The following AP4E1 variants were observed in gnomAD, a reference collection of about 807,000 sequenced individuals.
The protein encoded by AP4E1 is adaptor related protein complex 4 subunit epsilon 1, also known as AP-4 complex subunit epsilon-1.
AP4E1 carries 56 observed loss-of-function variants against 128.2 expected under a neutral mutation model. The ratio of observed to expected loss-of-function variants is 0.44; its 90% CI spans 0.35 to 0.55. The LOEUF is 0.55. Among genes scored for constraint, AP4E1 ranks in the 20% least tolerant of loss-of-function variants. The pLI is 0.00. For synonymous variants in AP4E1, 484 were observed against 473.1 expected, an observed-to-expected ratio of 1.02 and a Z score of -0.30; for missense variants, 1,324 against 1,307.7, an observed-to-expected ratio of 1.01 and a Z score of -0.19.
chr15:50,933,584 G>A (rs1188406368), intron 7 of AP4E1, among the ~76,000 whole-genome samples: 2 of 151,998 alleles, frequency 1.3e-5, no homozygotes, highest in Non-Finnish European at 2.9e-5. Flanking sequence ...TTTTTGGGGG[G>A]CAGGGAAGGA....
chr15:50,962,876 C>T (rs983955437), intron 14 of AP4E1, among the ~76,000 whole-genome samples: 1 of 68,666 alleles, frequency 1.5e-5, no homozygotes, highest in Non-Finnish European at 2.5e-5. Context: ...ATATAAGGAA[C>T]TCAATTCAAC....
chr15:50,924,050 G>A lies in AP4E1; in HGVS notation c.420+46G>A, dbSNP rs762488707. Reference sequence around the variant, plus strand: ...TAATATGAAGTCATAATTCTTGTCAGCACCTGATATTTCTCCTCGATCATA... The same window carrying A: ...TAATATGAAGTCATAATTCTTGTCAACACCTGATATTTCTCCTCGATCATA... On this transcript the variant is annotated intron_variant, in intron 4 of 20. Transcript: ENST00000261842. 1.0e-5 allele frequency: 15 copies of A among 1,462,480 alleles called. No homozygotes were observed. The East Asian group carries it at 1.8e-4, about 18-fold the overall frequency. The allele number at this position is 1,462,480 out of a possible 1,614,324, so 90.6% of individuals were successfully genotyped here. A position where few individuals can be genotyped will look rare whatever the true frequency, so the allele number is the denominator to read the frequency against.
chr15:50,944,586 T>TA (rs33961860), intron 10 of AP4E1: 938 of 211,642 alleles, frequency 4.4e-3, no homozygotes, highest in Middle Eastern at 0.012. Context: ...CTAAAACAGT[T>TA]AAAAAAAAAA....
intron 17 of AP4E1, among the ~76,000 whole-genome samples, chr15:50,996,542 A>C (rs1321634024): frequency 6.6e-6 from 1 of 152,078 alleles, no homozygotes; most frequent in African/African-American, 2.4e-5. Flanking sequence ...AGGGAACTAG[A>C]ATTCTGGTCA....
chr15:50,908,549 T>C, upstream of AP4E1: 1 of 479,184 alleles, frequency 2.1e-6, no homozygotes, highest in Non-Finnish European at 3.5e-6. Flanking sequence ...GAGGTCTACT[T>C]ACGCGCGCAA....
At chr15:50,924,510 T>C (rs1455543331) in intron 4 of AP4E1, among the ~76,000 whole-genome samples, 2 of 152,166 alleles carry the variant, frequency 1.3e-5, no homozygotes, top group African/African-American at 2.4e-5. Flanking sequence ...TAATGAGATG[T>C]AATTGAGTTG....
intron 14 of AP4E1, among the ~76,000 whole-genome samples, chr15:50,966,897 T>C (rs2064401865): frequency 6.6e-6 from 1 of 152,226 alleles, no homozygotes; most frequent in African/African-American, 2.4e-5. Context: ...ATTTTTATGT[T>C]TGATAATTAT....
chr15:50,961,339 A>G (rs1057033119), intron 14 of AP4E1, among the ~76,000 whole-genome samples: 1 of 152,164 alleles, frequency 6.6e-6, no homozygotes, highest in African/African-American at 2.4e-5. Context: ...CCAGATGAAC[A>G]TAGATGCAAA....
At chr15:50,965,302 C>A (rs1182685509) in intron 14 of AP4E1, among the ~76,000 whole-genome samples, 1 of 152,132 alleles carries the variant, frequency 6.6e-6, no homozygotes, top group Non-Finnish European at 1.5e-5. Flanking sequence ...TCCTTGTGCA[C>A]CACTGGTAGC....
chr15:50,972,203 TTTCTTTC>T (rs1242314185), intron 15 of AP4E1, among the ~76,000 whole-genome samples: 8 of 50,142 alleles, frequency 1.6e-4, no homozygotes, highest in African/African-American at 4.9e-4. Flanking sequence ...ATGTAGTTTC[TTTCTTTC>T]TTTCTTTCTT....
intron 6 of AP4E1, among the ~76,000 whole-genome samples, chr15:50,930,422 A>G (rs935710136): frequency 3.3e-5 from 5 of 150,104 alleles, no homozygotes; most frequent in Non-Finnish European, 7.4e-5. Flanking sequence ...GAGTTCAGAG[A>G]TTGCAAATAG....
chr15:50,984,661 T>G (rs1323934700), intron 16 of AP4E1, among the ~76,000 whole-genome samples: 1 of 152,128 alleles, frequency 6.6e-6, no homozygotes, highest in Non-Finnish European at 1.5e-5. Context: ...GGCTGCATAG[T>G]ATTCCATGGT....
At chr15:50,935,868 G>A (rs2063902201) in intron 8 of AP4E1, among the ~76,000 whole-genome samples, 1 of 152,174 alleles carries the variant, frequency 6.6e-6, no homozygotes, top group South Asian at 2.1e-4. Flanking sequence ...TAATGCACAT[G>A]GTAGTGAATT....
intron 14 of AP4E1, among the ~76,000 whole-genome samples, chr15:50,962,974 A>G (rs1474360520): frequency 6.6e-6 from 1 of 151,776 alleles, no homozygotes; most frequent in Non-Finnish European, 1.5e-5. Context: ...AAGATACACA[A>G]ATGGCCAACA....
At chr15:50,931,698 A>G (rs1411221083) in intron 7 of AP4E1, among the ~76,000 whole-genome samples, 5 of 152,222 alleles carry the variant, frequency 3.3e-5, no homozygotes, top group Non-Finnish European at 7.3e-5. Flanking sequence ...AACATTATGG[A>G]CATTAAAACT....
chr15:50,915,319 A>C, intron 2 of AP4E1, 129 bp from the exon 3 acceptor site: 1 of 953,180 alleles, frequency 1.0e-6, no homozygotes, highest in Non-Finnish European at 1.6e-6. Flanking sequence ...TGGGTGATTA[A>C]TTTGTAATAT....
chr15:50,952,532 G>C (rs2064165874), intron 13 of AP4E1, among the ~76,000 whole-genome samples: 2 of 150,598 alleles, frequency 1.3e-5, no homozygotes, highest in Non-Finnish European at 3.0e-5. Context: ...AAAAAGAAGT[G>C]TACAGTAATT....
intron 15 of AP4E1, among the ~76,000 whole-genome samples, chr15:50,978,211 A>T (rs1283157736): frequency 6.6e-6 from 1 of 152,202 alleles, no homozygotes; most frequent in Non-Finnish European, 1.5e-5. Flanking sequence ...CAAAAAAAGC[A>T]TTTCAGAATC....
chr15:50,947,185 G>A (rs1160343102), intron 10 of AP4E1, among the ~76,000 whole-genome samples: 4 of 152,162 alleles, frequency 2.6e-5, no homozygotes, highest in Admixed American at 6.5e-5. Context: ...GGAGGCCAAG[G>A]TGGGAGGATC....
Sources: gnomAD v4.1 joint callset for allele counts (sites outside exome capture counted in the v4.1 genomes callset) on GRCh38, gnomAD v4.1.1 for gene constraint, MANE v1.5 for transcripts, NCBI Gene and HGNC (gene_info 2026-07-23, HGNC 2026-07-21) for gene names.